Variants in AKAP13 observed in about 807,000 individuals in gnomAD.
AKAP13 encodes the protein A-kinase anchoring protein 13.
Under a neutral mutation model 264.5 loss-of-function variants are expected in AKAP13, and 80 were observed. That is an observed-to-expected ratio of 0.30 (90% confidence interval 0.25 to 0.36). The LOEUF is 0.36. AKAP13 is among the 10% of genes least tolerant of loss of function. The pLI is 1.00. For missense variants in AKAP13, 3,712 were observed against 3,435.2 expected (o/e 1.08, Z -2.01); for synonymous variants, 1,380 against 1,250.2 (o/e 1.10, Z -2.19).
At chr15:85,572,519 C>T (rs1296140027) in intron 5 of AKAP13, among the ~76,000 whole-genome samples, 1 of 152,018 alleles carries the variant, frequency 6.6e-6, no homozygotes, top group Non-Finnish European at 1.5e-5. Flanking sequence ...TAGCATATGC[C>T]ATTCTTATTT....
intron 5 of AKAP13, chr15:85,555,373 C>T (rs958107308): frequency 1.9e-5 from 23 of 1,226,212 alleles, no homozygotes; most frequent in East Asian, 1.1e-4. Context: ...AAACTTGGAG[C>T]GAAACACGCC....
chr15:85,608,939 C>G (rs972911068), intron 8 of AKAP13, among the ~76,000 whole-genome samples: 2 of 152,108 alleles, frequency 1.3e-5, no homozygotes, highest in African/African-American at 4.8e-5. Flanking sequence ...CTCCCTATTG[C>G]CCCTGAATAG....
rs565694876 is a variant in AKAP13, at chr15:85,413,778, G to A, written c.-12+32980G>A. 1.9e-3 allele frequency among the ~76,000 whole-genome samples: 293 copies of A among 152,120 alleles called. 3 individuals carry two copies. Among genetic ancestry groups the A allele is most frequent in the Middle Eastern group, 6.8e-3 (2 of 294 alleles). On this transcript the variant is annotated intron_variant, in intron 1 of 36. Coordinates refer to ENST00000394518, the MANE Select transcript of AKAP13 (RefSeq NM_007200.5). ...CTTGGTGGGTTTGTTGATTGAGAGC[G>A]CCTCAGAAGCATTTATATTCACAGT... is the stretch of plus-strand genomic sequence containing the variant.
chr15:85,716,484 G>A (rs1245951100), intron 20 of AKAP13, among the ~76,000 whole-genome samples: 1 of 152,162 alleles, frequency 6.6e-6, no homozygotes, highest in East Asian at 1.9e-4. Flanking sequence ...TGGTTAGCAG[G>A]GGGCTGATAA....
At position 85,645,876 on chromosome 15, in the gene AKAP13, A is replaced by G; in HGVS notation, c.4296A>G (p.Val1432=). Residue 1432 remains valine, a synonymous_variant, in exon 10 of 37, where the codon GTA becomes GTG. Coordinates refer to ENST00000394518, the MANE Select transcript of AKAP13 (RefSeq NM_007200.5). ...GAGAGTGTACCTCAAAACAAGGTGTACTTAAAAGAGAATCTGGGAGTGATT... is the reference window on the plus strand; with the variant it reads ...GAGAGTGTACCTCAAAACAAGGTGTGCTTAAAAGAGAATCTGGGAGTGATT... The part of the protein sequence containing the change: ...LGRECTSKQG[V]LKRESGSDSD... 1 of 1,613,098 alleles carries G rather than the reference A, an allele frequency of 6.2e-7. No homozygotes were observed. Among genetic ancestry groups the G allele is most frequent in the East Asian group, 2.2e-5 (1 of 44,830 alleles).
At chr15:85,612,195 A>G (rs1404380211) in intron 8 of AKAP13, among the ~76,000 whole-genome samples, 1 of 152,190 alleles carries the variant, frequency 6.6e-6, no homozygotes, top group Non-Finnish European at 1.5e-5. Flanking sequence ...TCTATTTGCC[A>G]TGTTTAGTGT....
At chr15:85,541,140 T>A (rs1305921280) in intron 4 of AKAP13, among the ~76,000 whole-genome samples, 1 of 152,218 alleles carries the variant, frequency 6.6e-6, no homozygotes, top group East Asian at 1.9e-4. Flanking sequence ...TTGTCAAAAT[T>A]TATCAAATGG....
At chr15:85,458,393 G>GTTTTTTTTTTTTTTTTTTTTTTTTTTTT (rs4037636) in intron 1 of AKAP13, among the ~76,000 whole-genome samples, 1 of 120,664 alleles carries the variant, frequency 8.3e-6, no homozygotes, top group African/African-American at 3.3e-5. Context: ...TTTGTTTTTT[G>GTTTTTTTTTTTTTTTTTTTTTTTTTTTT]TTTTTTTTTT....
intron 1 of AKAP13, among the ~76,000 whole-genome samples, chr15:85,464,642 G>T (rs2074655232): frequency 6.6e-6 from 1 of 152,186 alleles, no homozygotes; most frequent in African/African-American, 2.4e-5. Context: ...CCAAAGAGAA[G>T]TCTGAGGCTC....
In AKAP13 at chr15:85,748,355, G is replaced by A. The variant is rs2089429554; in HGVS notation, c.*3678G>A. 6.6e-6 allele frequency: 1 copy of A among 152,266 alleles called. No homozygotes were observed. Among genetic ancestry groups the A allele is most frequent in the Non-Finnish European group, 1.5e-5 (1 of 68,094 alleles). 9.4% of individuals were successfully genotyped at this position (152,266 alleles called of 1,614,324 possible). A position where few individuals can be genotyped will look rare whatever the true frequency, so the allele number is the denominator to read the frequency against. On this transcript the variant is annotated 3_prime_UTR_variant, in exon 37 of 37. Transcript: ENST00000394518. The stretch of plus-strand genomic sequence containing the variant: ...CGTTTTGGATGTCCTTGGAATGTGG[G>A]AGCCTAGAAATAACCCTGTGGATGG...
intron 8 of AKAP13, among the ~76,000 whole-genome samples, chr15:85,636,066 T>C (rs1040403707): frequency 6.6e-6 from 1 of 152,254 alleles, no homozygotes; most frequent in Non-Finnish European, 1.5e-5. Context: ...TGTATTTATT[T>C]AAGTCTGCAT....
intron 5 of AKAP13, among the ~76,000 whole-genome samples, chr15:85,559,972 G>T (rs1429862144): frequency 6.6e-6 from 1 of 151,946 alleles, no homozygotes; most frequent in African/African-American, 2.4e-5. Context: ...AAGATTATCT[G>T]GGATTGTTTC....
intron 1 of AKAP13, among the ~76,000 whole-genome samples, chr15:85,445,873 T>C (rs1057290469): frequency 1.3e-5 from 2 of 152,206 alleles, no homozygotes; most frequent in African/African-American, 4.8e-5. Flanking sequence ...TTTTATGGGG[T>C]ACATGTGATA....
intron 1 of AKAP13, among the ~76,000 whole-genome samples, chr15:85,471,888 A>G (rs2074973835): frequency 6.6e-6 from 1 of 152,226 alleles, no homozygotes; most frequent in African/African-American, 2.4e-5. Context: ...ATGAAAGACT[A>G]CTGGTGTTTT....
At chr15:85,707,432 T>C (rs1273982739) in intron 17 of AKAP13, among the ~76,000 whole-genome samples, 3 of 152,208 alleles carry the variant, frequency 2.0e-5, no homozygotes, top group Non-Finnish European at 2.9e-5. Context: ...CCAGTGACCT[T>C]TCATGTGTGG....
intron 1 of AKAP13, among the ~76,000 whole-genome samples, chr15:85,442,967 T>A (rs1015320235): frequency 6.6e-6 from 1 of 152,170 alleles, no homozygotes; most frequent in African/African-American, 2.4e-5. Context: ...CCTCTCTTCA[T>A]CCTCCCTAAC....
intron 17 of AKAP13, among the ~76,000 whole-genome samples, chr15:85,700,488 C>A (rs910099744): frequency 6.6e-6 from 1 of 152,126 alleles, no homozygotes; most frequent in Non-Finnish European, 1.5e-5. Context: ...GCCAGAGGTA[C>A]CCGTGGAGAA....
At chr15:85,384,040 A>G (rs1022190199) in intron 1 of AKAP13, among the ~76,000 whole-genome samples, 1 of 152,250 alleles carries the variant, frequency 6.6e-6, no homozygotes, top group African/African-American at 2.4e-5. Flanking sequence ...TAGATGGAGT[A>G]GATACATTCT....
intron 14 of AKAP13, among the ~76,000 whole-genome samples, chr15:85,677,289 A>G (rs1235911916): frequency 6.6e-6 from 1 of 152,174 alleles, no homozygotes; most frequent in South Asian, 2.1e-4. Flanking sequence ...TCTTCTGTAT[A>G]GTACTAACGC....
Sources: gnomAD v4.1 joint callset for allele counts (sites outside exome capture counted in the v4.1 genomes callset) on GRCh38, gnomAD v4.1.1 for gene constraint, MANE v1.5 for transcripts, NCBI Gene and HGNC (gene_info 2026-07-23, HGNC 2026-07-21) for gene names.